The following ELAPOR2 variants were observed in gnomAD, a reference collection of about 807,000 sequenced individuals.
ELAPOR2 encodes the protein endosome/lysosome-associated apoptosis and autophagy regulator family member 2.
ELAPOR2 carries 89 observed loss-of-function variants against 120.7 expected under a neutral mutation model. The ratio of observed to expected loss-of-function variants is 0.74; its 90% CI spans 0.62 to 0.88. The LOEUF is 0.88. Among genes scored for constraint, ELAPOR2 ranks in the 40% least tolerant of loss-of-function variants. The probability of loss-of-function intolerance (pLI) is 0.00; values close to 1 mark genes in which losing one functional copy is unlikely to be tolerated. For missense variants in ELAPOR2, 1,134 were observed against 1,251.6 expected (o/e 0.91, Z 1.42); for synonymous variants, 444 against 444.9 (o/e 1.00, Z 0.03).
rs543816441 is a variant in ELAPOR2, at chr7:87,043,120, T to C, written c.189+16205A>G. 5.9e-3 allele frequency among the ~76,000 whole-genome samples: 901 copies of C among 151,944 alleles called. 9 individuals carry two copies. Among genetic ancestry groups the C allele is most frequent in the African/African-American group, 0.02 (828 of 41,282 alleles). ...GAGCTGAAATTGTGGCAATAATCAA[T>C]AGCTTACCAACGAAAAAGAGTCCAG... On this transcript the variant is annotated intron_variant, in intron 1 of 21. Transcript: ENST00000450689.
chr7:87,028,402 A>G (rs948517594), intron 1 of ELAPOR2, among the ~76,000 whole-genome samples: 3 of 152,062 alleles, frequency 2.0e-5, no homozygotes, highest in South Asian at 2.1e-4. Context: ...CTGGGACACC[A>G]TCGTCCATTG....
chr7:86,935,057 C>A (rs917429256), intron 8 of ELAPOR2, among the ~76,000 whole-genome samples: 6 of 152,094 alleles, frequency 3.9e-5, no homozygotes, highest in African/African-American at 1.4e-4. Context: ...CATTCATATC[C>A]TCTCTAGTCC....
chr7:87,057,335 A>T (rs1454503300), intron 1 of ELAPOR2, among the ~76,000 whole-genome samples: 1 of 152,222 alleles, frequency 6.6e-6, no homozygotes, highest in East Asian at 1.9e-4. Flanking sequence ...TCCACTGGTT[A>T]GACCAGATAT....
chr7:87,005,926 T>C (rs1277444291), intron 1 of ELAPOR2, among the ~76,000 whole-genome samples: 2 of 152,132 alleles, frequency 1.3e-5, no homozygotes, highest in Non-Finnish European at 2.9e-5. Flanking sequence ...AATAAGACTT[T>C]ACTGAAATTT....
intron 1 of ELAPOR2, among the ~76,000 whole-genome samples, chr7:87,023,954 G>C (rs1159057819): frequency 6.6e-6 from 1 of 152,146 alleles, no homozygotes; most frequent in Non-Finnish European, 1.5e-5. Context: ...ATCAGCTTAA[G>C]GAGATTTTGG....
At chr7:87,010,944 C>A (rs1469611322) in intron 1 of ELAPOR2, among the ~76,000 whole-genome samples, 1 of 151,978 alleles carries the variant, frequency 6.6e-6, no homozygotes, top group Admixed American at 6.6e-5. Context: ...AAAATGTCAG[C>A]ACTGTCCTGG....
In ELAPOR2 at chr7:87,040,903, C is replaced by G. The variant is rs879500295; in HGVS notation, c.189+18422G>C. Among the ~76,000 whole-genome samples, 533 of 151,962 alleles carry G rather than the reference C, an allele frequency of 3.5e-3. 1 individual carries two copies. Among genetic ancestry groups the G allele is most frequent in the Non-Finnish European group, 4.8e-3 (329 of 67,986 alleles). On this transcript the variant is annotated intron_variant, in intron 1 of 21. Coordinates refer to ENST00000450689, the MANE Select transcript of ELAPOR2 (RefSeq NM_001142749.3). ...GAATGTATAACTAGAATAACCAATA[C>G]AGAGAAGTGCTTAAAGGAGCTGATG...
chr7:86,973,635 G>C (rs1404914340), intron 1 of ELAPOR2, among the ~76,000 whole-genome samples: 1 of 152,094 alleles, frequency 6.6e-6, no homozygotes, highest in Admixed American at 6.5e-5. Flanking sequence ...ACAATGGTAT[G>C]GTCTATTAAT....
At chr7:87,029,706 A>G (rs1344157788) in intron 1 of ELAPOR2, among the ~76,000 whole-genome samples, 1 of 152,186 alleles carries the variant, frequency 6.6e-6, no homozygotes, top group African/African-American at 2.4e-5. Flanking sequence ...AATTATTCAA[A>G]TGGTTTATAA....
intron 1 of ELAPOR2, among the ~76,000 whole-genome samples, chr7:86,983,505 A>G (rs1792591556): frequency 1.3e-5 from 2 of 152,226 alleles, no homozygotes; most frequent in South Asian, 4.1e-4. Context: ...AAACTCCACA[A>G]GCCAGAAGAG....
intron 1 of ELAPOR2, among the ~76,000 whole-genome samples, chr7:87,024,116 G>T (rs1324507570): frequency 6.6e-6 from 1 of 151,984 alleles, no homozygotes; most frequent in Non-Finnish European, 1.5e-5. Context: ...AATAGGAGTG[G>T]AGAGAGGGCA....
chr7:86,952,956 C>T (rs983615170), intron 2 of ELAPOR2, among the ~76,000 whole-genome samples: 1 of 151,834 alleles, frequency 6.6e-6, no homozygotes, highest in Admixed American at 6.6e-5. Flanking sequence ...GTTAGCCAGG[C>T]GAGGTGGCGC....
At chr7:87,002,890 A>G (rs566595402) in intron 1 of ELAPOR2, among the ~76,000 whole-genome samples, 125 of 152,252 alleles carry the variant, frequency 8.2e-4, no homozygotes, top group Non-Finnish European at 1.6e-3. Flanking sequence ...GAAATGAACC[A>G]CACTCCTTCA....
chr7:86,988,631 G>A (rs1438032460), intron 1 of ELAPOR2, among the ~76,000 whole-genome samples: 2 of 152,148 alleles, frequency 1.3e-5, no homozygotes, highest in African/African-American at 4.8e-5. Context: ...GCAGTACAAC[G>A]ATCATAGTAA....
chr7:86,884,861 C>A (rs1407056429), intron 21 of ELAPOR2, among the ~76,000 whole-genome samples: 1 of 152,120 alleles, frequency 6.6e-6, no homozygotes, highest in Non-Finnish European at 1.5e-5. Context: ...ACACCTCTTG[C>A]AATCTATCAT....
At chr7:87,059,155 G>A (rs1795353907) in intron 1 of ELAPOR2, among the ~76,000 whole-genome samples, 170 bp downstream of exon 1, 2 of 151,236 alleles carry the variant, frequency 1.3e-5, no homozygotes, top group African/African-American at 4.9e-5. Context: ...CACCCTCTCC[G>A]GGCCAGCTAC....
At chr7:86,938,721 T>C in intron 7 of ELAPOR2, 87 bp downstream of exon 7, 9 of 1,416,596 alleles carry the variant, frequency 6.4e-6, no homozygotes, top group Non-Finnish European at 8.8e-6. Context: ...ACTGCTGTCA[T>C]ACTTTATGGG....
intron 1 of ELAPOR2, among the ~76,000 whole-genome samples, chr7:87,056,616 T>C (rs1169809164): frequency 1.3e-5 from 2 of 152,170 alleles, no homozygotes; most frequent in African/African-American, 4.8e-5. Flanking sequence ...GACTTCATAA[T>C]CCAAAGACTT....
At chr7:87,041,968 C>G (rs1375438286) in intron 1 of ELAPOR2, among the ~76,000 whole-genome samples, 2 of 148,472 alleles carry the variant, frequency 1.3e-5, no homozygotes, top group African/African-American at 5.0e-5. Context: ...ATCCTAGTCT[C>G]TGATAAAACA....
Sources: allele counts gnomAD v4.1 joint callset (sites outside exome capture counted in the v4.1 genomes callset), GRCh38; gene constraint gnomAD v4.1.1; transcripts MANE v1.5; gene names NCBI Gene and HGNC (gene_info 2026-07-23, HGNC 2026-07-21).